Variants in ZNF83 observed in about 807,000 individuals in gnomAD.
ZNF83 encodes the protein zinc finger protein 83.
For synonymous variants in ZNF83, 209 were observed against 213.0 expected, an observed-to-expected ratio of 0.98 and a Z score of 0.17; for missense variants, 552 against 629.9, an observed-to-expected ratio of 0.88 and a Z score of 1.32.
At chr19:52,660,500 C>T (rs1246686732) in intron 2 of ZNF83, among the ~76,000 whole-genome samples, 1 of 148,638 alleles carries the variant, frequency 6.7e-6, no homozygotes, top group Non-Finnish European at 1.5e-5. Flanking sequence ...CACCTATAAT[C>T]ACAGCTGCTT....
At chr19:52,680,850 G>A (rs1303625526) in intron 1 of ZNF83, among the ~76,000 whole-genome samples, 1 of 150,674 alleles carries the variant, frequency 6.6e-6, no homozygotes, top group Non-Finnish European at 1.5e-5. Flanking sequence ...CTGACCTCGT[G>A]ATCCGCCCGC....
chr19:52,633,046 T>C (rs183583476), intron 2 of ZNF83, among the ~76,000 whole-genome samples: 2 of 152,302 alleles, frequency 1.3e-5, no homozygotes, highest in Non-Finnish European at 2.9e-5. Context: ...AAGACAGGAA[T>C]ATCAGGCCTC....
At chr19:52,632,949 T>C (rs938754284) in intron 2 of ZNF83, among the ~76,000 whole-genome samples, 29 of 152,202 alleles carry the variant, frequency 1.9e-4, no homozygotes, top group Admixed American at 8.5e-4. Flanking sequence ...AGAAACATCG[T>C]CCATTCTCTC....
At chr19:52,647,218 G>C (rs1342134708) in intron 3 of ZNF83, among the ~76,000 whole-genome samples, 1 of 151,946 alleles carries the variant, frequency 6.6e-6, no homozygotes, top group Non-Finnish European at 1.5e-5. Flanking sequence ...GGCTGAATAG[G>C]GATTCCAAGT....
rs2062062543 is a variant in ZNF83 at position 52,687,616 on chromosome 19, G to GTATATATATATATAATGTATATA, written c.-283+2804_-283+2826dup. Among the ~76,000 whole-genome samples the GTATATATATATATAATGTATATA allele has an allele frequency of 3.8e-4, 6 of 15,824 alleles. No individual in the cohort carries two copies. The East Asian group carries it at 4.0e-3, about 11-fold the overall frequency. 10.4% of individuals were successfully genotyped at this position (15,824 alleles called of 152,430 possible). A position where few individuals can be genotyped will look rare whatever the true frequency, so the allele number is the denominator to read the frequency against. On this transcript the variant is annotated intron_variant, in intron 1 of 5. Transcript: ENST00000594682. ...TATATAATGTATATATATATAATGT[G>GTATATATATATATAATGTATATA]TATATATATATATAATGTATATATA...
intron 2 of ZNF83, among the ~76,000 whole-genome samples, chr19:52,621,854 A>G (rs1222252809): frequency 2.0e-5 from 3 of 152,290 alleles, no homozygotes; most frequent in Non-Finnish European, 2.9e-5. Flanking sequence ...AATTTTTGTC[A>G]TAAGATGGGT....
At chr19:52,637,663 G>A (rs1389739072) in intron 1 of ZNF83, among the ~76,000 whole-genome samples, 1 of 151,960 alleles carries the variant, frequency 6.6e-6, no homozygotes, top group East Asian at 1.9e-4. Flanking sequence ...GCCTTTGGCC[G>A]ACACAATCAC....
At chr19:52,661,488 G>T (rs11882437) in intron 1 of ZNF83, among the ~76,000 whole-genome samples, 49,675 of 152,026 alleles carry the variant, frequency 0.33, 8,641 homozygotes, top group East Asian at 0.56. Flanking sequence ...GGGGGAAACT[G>T]CCTTGATGTT....
chr19:52,649,139 G>T (rs935076055), intron 3 of ZNF83, among the ~76,000 whole-genome samples: 3 of 152,072 alleles, frequency 2.0e-5, no homozygotes, highest in African/African-American at 2.4e-5. Context: ...CAGGTGAGTG[G>T]TTTTTTTGTC....
exon 3 of ZNF83, chr19:52,613,512 G>A (rs1247917754): frequency 6.2e-7 from 1 of 1,614,106 alleles, no homozygotes; most frequent in Non-Finnish European, 8.5e-7. Flanking sequence ...TGAAGACCTT[G>A]CCACATTCAT....
intron 1 of ZNF83, among the ~76,000 whole-genome samples, chr19:52,688,365 G>C (rs1014389148): frequency 2.0e-5 from 3 of 151,088 alleles, no homozygotes; most frequent in Admixed American, 2.0e-4. Context: ...CAGAGATAAG[G>C]ATCTCACTAT....
chr19:52,665,626 C>T (rs1205015097), intron 1 of ZNF83, among the ~76,000 whole-genome samples: 1 of 152,166 alleles, frequency 6.6e-6, no homozygotes, highest in African/African-American at 2.4e-5. Context: ...CTGCTCCACC[C>T]TGAGTAATTC....
intron 2 of ZNF83, among the ~76,000 whole-genome samples, chr19:52,658,092 T>C (rs2147270000): frequency 6.8e-6 from 1 of 146,440 alleles, no homozygotes; most frequent in South Asian, 2.1e-4. Flanking sequence ...GCCAAGTTCA[T>C]GCCATTGCAC....
intron 1 of ZNF83, among the ~76,000 whole-genome samples, chr19:52,687,735 G>T (rs2062071401): frequency 6.9e-6 from 1 of 144,254 alleles, no homozygotes; most frequent in African/African-American, 2.6e-5. Flanking sequence ...TGAGGTAGGA[G>T]GATCACTTGA....
At chr19:52,630,038 A>G (rs2060895461) in intron 2 of ZNF83, among the ~76,000 whole-genome samples, 1 of 152,200 alleles carries the variant, frequency 6.6e-6, no homozygotes, top group Admixed American at 6.5e-5. Context: ...CTCCCCCAGG[A>G]GCTTGCTACA....
chr19:52,658,742 C>T (rs1437403199), intron 2 of ZNF83, among the ~76,000 whole-genome samples: 1 of 152,124 alleles, frequency 6.6e-6, no homozygotes, highest in Non-Finnish European at 1.5e-5. Context: ...AGAGGCTTCC[C>T]CAGTTAAGCC....
exon 3 of ZNF83, chr19:52,612,899 G>A (rs963078768): frequency 2.3e-6 from 2 of 862,558 alleles, no homozygotes; most frequent in Non-Finnish European, 1.7e-6. Context: ...CGGTTATTAA[G>A]CCTTGAACAA....
intron 2 of ZNF83, among the ~76,000 whole-genome samples, chr19:52,626,517 C>G (rs1407033723): frequency 6.6e-6 from 1 of 152,180 alleles, no homozygotes. Context: ...AACTGAGTGT[C>G]TTGGCTACTC....
rs117055895 is a variant in ZNF83 at position 52,614,719 on chromosome 19, A to G, written c.-155T>C. ...GTCGTGGCTTTCATGTCTTTCCAAC[A>G]TTACTGTCTGGAATATTTCTCCTGT... On this transcript the variant is annotated 5_prime_UTR_variant, in exon 3 of 3. It removes an upstream start codon present in the reference 5' UTR. Coordinates refer to ENST00000301096, the Ensembl canonical transcript of ZNF83. 6.0e-4 allele frequency: 794 copies of G among 1,330,220 alleles called. 13 individuals are homozygous for G. The East Asian group carries it at 0.021, about 35-fold the overall frequency. 82.4% of individuals were successfully genotyped at this position (1,330,220 alleles called of 1,614,324 possible).
Sources: gnomAD v4.1 joint callset for allele counts (sites outside exome capture counted in the v4.1 genomes callset) on GRCh38, gnomAD v4.1.1 for gene constraint, MANE v1.5 for transcripts, NCBI Gene and HGNC (gene_info 2026-07-23, HGNC 2026-07-21) for gene names.